The following DAB2 variants were observed in gnomAD, a reference collection of about 807,000 sequenced individuals.
DAB2 encodes the protein disabled homolog 2.
DAB2 carries 28 observed loss-of-function variants against 71.6 expected under a neutral mutation model. The observed-to-expected ratio is 0.39, with a 90% CI of 0.29 to 0.54. The LOEUF is 0.54. DAB2 is among the 20% of genes least tolerant of loss of function. The pLI is 0.68. For synonymous variants in DAB2, 345 were observed against 339.7 expected (o/e 1.02, Z -0.17); for missense variants, 867 against 928.8 (o/e 0.93, Z 0.86).
chr5:39,391,205 A>G (rs1404616930), intron 4 of DAB2, among the ~76,000 whole-genome samples: 1 of 152,132 alleles, frequency 6.6e-6, no homozygotes, highest in Non-Finnish European at 1.5e-5. Flanking sequence ...TGGGGACTGT[A>G]TTGGCTTAGT....
Position 39,376,121 on chromosome 5 carries a change from A to G in DAB2, c.2138-15T>C, listed in dbSNP as rs370406346. On this transcript the variant is annotated splice_polypyrimidine_tract_variant and intron_variant, in intron 12 of 14. Coordinates refer to ENST00000320816, the MANE Select transcript of DAB2 (RefSeq NM_001343.4). ...CTTTGGTGGTTCTAGAAGGTAAAAA[A>G]TCCAGGCAATCAGTAGACAAGCTTT... is the stretch of plus-strand genomic sequence containing the variant. The G allele has an allele frequency of 2.5e-6, 4 of 1,602,004 alleles. No individual in the cohort carries two copies. The African/African-American group carries it at 5.4e-5, about 21-fold the overall frequency.
Position 39,394,386 on chromosome 5 carries a change from G to C in DAB2, c.-66C>G, listed in dbSNP as rs1279051641. The stretch of plus-strand genomic sequence containing the variant: ...TTGGTGACACCAGGCGATCCCGATG[G>C]AGAAGTCTCAAATAAACATAACCTC... On this transcript the variant is annotated 5_prime_UTR_variant, in exon 2 of 15. Transcript: ENST00000320816. 1.6e-6 allele frequency: 2 copies of C among 1,234,024 alleles called. No individual in the cohort carries two copies. The highest frequency in any genetic ancestry group is 1.7e-5 in the Admixed American group (1 of 59,382). The allele number at this position is 1,234,024 out of a possible 1,614,324, so 76.4% of individuals were successfully genotyped here.
Position 39,383,109 on chromosome 5 carries a change from G to A in DAB2, c.850C>T (p.Leu284Phe). 6.2e-7 allele frequency: 1 copy of A among 1,614,204 alleles called. No homozygotes were observed. Among genetic ancestry groups the A allele is most frequent in the Non-Finnish European group, 8.5e-7 (1 of 1,180,032 alleles). The change falls in exon 10 of 15, where the codon CTC becomes TTC. Residue 284 changes from leucine to phenylalanine, a missense_variant. By Grantham distance (22) the Leu-to-Phe change is conservative. This residue lies in a region of DAB2 where 740 missense variants were observed against 734.3 expected (regional missense o/e 1.01). Coordinates refer to ENST00000320816, the MANE Select transcript of DAB2 (RefSeq NM_001343.4). ...GGATTAGGGGTGGGAAAGAAGTTGAGATTGGCAGAAAAGGCATTTTCAGGC... is the reference window on the plus strand; with the variant it reads ...GGATTAGGGGTGGGAAAGAAGTTGAAATTGGCAGAAAAGGCATTTTCAGGC... ...FLPENAFSANLNFFPTPNPDP... is the reference protein window; with the variant it reads ...FLPENAFSANFNFFPTPNPDP...
At chr5:39,407,999 C>G (rs1453943033) in intron 1 of DAB2, among the ~76,000 whole-genome samples, 4 of 152,166 alleles carry the variant, frequency 2.6e-5, no homozygotes, top group African/African-American at 9.7e-5. Context: ...CTTTAATAGC[C>G]TGGCTAAATT....
chr5:39,376,585 C>T (rs1561364273), intron 12 of DAB2, 65 bp downstream of exon 12: 6 of 1,562,950 alleles, frequency 3.8e-6, no homozygotes, highest in Non-Finnish European at 4.3e-6. Flanking sequence ...TTGGGGAACT[C>T]ATTTAGGTCC....
chr5:39,379,589 T>C lies in DAB2; in HGVS notation c.1504+1865A>G, dbSNP rs77637398. ...AACACATTGAACACATTGAACACATTGACAAAGTAGGGGCAAGGAATAAGG... is the reference window on the plus strand; with the variant it reads ...AACACATTGAACACATTGAACACATCGACAAAGTAGGGGCAAGGAATAAGG... On this transcript the variant is annotated intron_variant, in intron 11 of 14. Coordinates refer to ENST00000320816, the MANE Select transcript of DAB2 (RefSeq NM_001343.4). Among the ~76,000 whole-genome samples, 409 of 152,126 alleles carry C rather than the reference T, an allele frequency of 2.7e-3. 3 individuals carry two copies. Among genetic ancestry groups the C allele is most frequent in the African/African-American group, 9.6e-3 (399 of 41,472 alleles).
rs1755018734 is a variant in DAB2 at position 39,383,059 on chromosome 5, G to A, written c.900C>T (p.Phe300=). Residue 300 remains phenylalanine (F), a synonymous_variant, in exon 10 of 15, where the codon TTC becomes TTT. Coordinates refer to ENST00000320816, the MANE Select transcript of DAB2 (RefSeq NM_001343.4). ...PNPDPFRDDP[F]TQPDQSTPSS... is the part of the protein sequence containing the mutation. The stretch of plus-strand genomic sequence containing the variant: ...AAGGTGTCGATTGGTCTGGCTGTGT[G>A]AAAGGATCGTCACGGAAAGGATCAG... 6.2e-7 allele frequency: 1 copy of A among 1,614,010 alleles called. No individual in the cohort carries two copies. Among genetic ancestry groups the A allele is most frequent in the African/African-American group, 1.3e-5 (1 of 74,920 alleles).
At chr5:39,420,130 G>T (rs1275418546) in intron 1 of DAB2, among the ~76,000 whole-genome samples, 1 of 152,178 alleles carries the variant, frequency 6.6e-6, no homozygotes, top group Non-Finnish European at 1.5e-5. Context: ...TTGGGAATCA[G>T]CTCTGAGAAC....
At chr5:39,383,728 C>T (rs1203960916) in intron 9 of DAB2, among the ~76,000 whole-genome samples, 1 of 152,144 alleles carries the variant, frequency 6.6e-6, no homozygotes, top group Non-Finnish European at 1.5e-5. Context: ...ACATACAGTC[C>T]TCTCTATTGT....
chr5:39,388,368 CT>C lies in DAB2; in HGVS notation c.625-2del. On this transcript the variant is annotated splice_acceptor_variant, in intron 8 of 14. Coordinates refer to ENST00000320816, the MANE Select transcript of DAB2 (RefSeq NM_001343.4). LOFTEE classifies it high-confidence loss of function. ...CAAACAAATCCATCTGGTCAACACC[CT>C]TAAAAAAGTATTTGGATTAGATTCA... 6.2e-7 allele frequency: 1 copy of C among 1,605,438 alleles called. No individual in the cohort carries two copies. The highest frequency in any genetic ancestry group is 8.5e-7 in the Non-Finnish European group (1 of 1,172,774).
At chr5:39,385,651 C>T (rs1207635205) in intron 9 of DAB2, among the ~76,000 whole-genome samples, 2 of 152,164 alleles carry the variant, frequency 1.3e-5, no homozygotes, top group Admixed American at 1.3e-4. Flanking sequence ...CGTTACAGAA[C>T]CTGCTCGTAG....
At chr5:39,381,698 C>T in intron 10 of DAB2, 82 bp from the exon 11 acceptor site, 1 of 1,480,432 alleles carries the variant, frequency 6.8e-7, no homozygotes, top group Non-Finnish European at 9.1e-7. Context: ...CTACCCTATA[C>T]CCCAATTTGA....
intron 1 of DAB2, among the ~76,000 whole-genome samples, chr5:39,404,169 T>C (rs1215079054): frequency 1.4e-5 from 2 of 144,358 alleles, no homozygotes; most frequent in African/African-American, 5.2e-5. Flanking sequence ...GTCAATGTTC[T>C]CACTCATAGG....
chr5:39,386,533 G>C (rs1254639924), intron 9 of DAB2, among the ~76,000 whole-genome samples: 1 of 152,128 alleles, frequency 6.6e-6, no homozygotes, highest in Non-Finnish European at 1.5e-5. Context: ...TTATCAGAGA[G>C]TATATATTTT....
intron 11 of DAB2, among the ~76,000 whole-genome samples, chr5:39,379,485 TG>T (rs1246556904): frequency 2.0e-4 from 31 of 151,408 alleles, no homozygotes; most frequent in African/African-American, 7.5e-4. Context: ...ATATTACATT[TG>T]CCAGGAATTC....
chr5:39,413,666 C>G (rs892257699), intron 1 of DAB2, among the ~76,000 whole-genome samples: 1 of 151,994 alleles, frequency 6.6e-6, no homozygotes, highest in Non-Finnish European at 1.5e-5. Context: ...AAGACCAGTG[C>G]CAAGAAAATG....
At chr5:39,415,676 A>G (rs1343042976) in intron 1 of DAB2, among the ~76,000 whole-genome samples, 1 of 152,162 alleles carries the variant, frequency 6.6e-6, no homozygotes, top group African/African-American at 2.4e-5. Flanking sequence ...AGGGGCTACC[A>G]GGCAGCACTT....
At chr5:39,416,978 C>T (rs1755862001) in intron 1 of DAB2, among the ~76,000 whole-genome samples, 1 of 152,142 alleles carries the variant, frequency 6.6e-6, no homozygotes, top group African/African-American at 2.4e-5. Flanking sequence ...GCAATCTCCA[C>T]TCAAACACAT....
intron 11 of DAB2, among the ~76,000 whole-genome samples, chr5:39,378,406 G>C (rs1297306466): frequency 6.6e-6 from 1 of 152,208 alleles, no homozygotes; most frequent in African/African-American, 2.4e-5. Context: ...TTTGAGCTTT[G>C]GTGCATGGCA....
Sources: gnomAD v4.1 joint callset for allele counts (sites outside exome capture counted in the v4.1 genomes callset) on GRCh38, gnomAD v4.1.1 for gene constraint, gnomAD v4.1.1 regional missense constraint, MANE v1.5 for transcripts, NCBI Gene and HGNC (gene_info 2026-07-23, HGNC 2026-07-21) for gene names.